TDRD3: variants seen among roughly 807,000 people sequenced by gnomAD.
TDRD3 encodes tudor domain containing 3.
In TDRD3, 45 loss-of-function variants were observed where a neutral mutation model predicts 86.7. The observed-to-expected ratio is 0.52, with a 90% CI of 0.41 to 0.67. TDRD3 has a LOEUF of 0.67. Ranked by LOEUF, TDRD3 falls within the 30% of genes least tolerant of loss-of-function variation. The pLI, the probability that TDRD3 is intolerant of heterozygous loss-of-function variation, is 0.00. For missense variants in TDRD3, 814 were observed against 889.0 expected (o/e 0.92, Z 1.07); for synonymous variants, 298 against 301.7 (o/e 0.99, Z 0.13).
At chr13:60,427,296 GT>G (rs1264021910) in intron 1 of TDRD3, among the ~76,000 whole-genome samples, 1 of 152,132 alleles carries the variant, frequency 6.6e-6, no homozygotes, top group Non-Finnish European at 1.5e-5. Flanking sequence ...TTCTTTGTAT[GT>G]TGGGTAATTT....
At chr13:60,455,007 G>A (rs575988926) in intron 3 of TDRD3, among the ~76,000 whole-genome samples, 61 of 152,046 alleles carry the variant, frequency 4.0e-4, no homozygotes, top group African/African-American at 1.4e-3. Flanking sequence ...TCTCCTTCCC[G>A]GATTTAAGCG....
At chr13:60,426,227 A>G (rs941611488) in intron 1 of TDRD3, among the ~76,000 whole-genome samples, 3 of 152,200 alleles carry the variant, frequency 2.0e-5, no homozygotes, top group African/African-American at 7.2e-5. Context: ...ATAAACCAAA[A>G]AAGAGCTCAA....
At chr13:60,443,283 T>C (rs1160696404) in intron 2 of TDRD3, among the ~76,000 whole-genome samples, 2 of 152,048 alleles carry the variant, frequency 1.3e-5, no homozygotes, top group African/African-American at 2.4e-5. Context: ...TTTACACTTA[T>C]GTTATTCAGT....
At chr13:60,449,872 C>A (rs1446829455) in intron 3 of TDRD3, among the ~76,000 whole-genome samples, 2 of 152,056 alleles carry the variant, frequency 1.3e-5, no homozygotes, top group African/African-American at 4.8e-5. Flanking sequence ...GTACTCCCTT[C>A]CCTAAAGCTA....
intron 13 of TDRD3, among the ~76,000 whole-genome samples, chr13:60,572,173 T>C (rs933746377): frequency 6.6e-6 from 1 of 151,390 alleles, no homozygotes; most frequent in Non-Finnish European, 1.5e-5. Context: ...TGGGGTGGAG[T>C]CCTCTGAAGA....
At chr13:60,548,036 ATG>A (rs1284163071) in intron 12 of TDRD3, among the ~76,000 whole-genome samples, 2 of 152,256 alleles carry the variant, frequency 1.3e-5, no homozygotes, top group Non-Finnish European at 2.9e-5. Context: ...GGTTATATAA[ATG>A]TGCCTCTAGT....
At chr13:60,571,874 G>A in intron 13 of TDRD3, among the ~76,000 whole-genome samples, 1 of 152,122 alleles carries the variant, frequency 6.6e-6, no homozygotes, top group South Asian at 2.1e-4. Context: ...TGGGGAGCAT[G>A]TGGAAAAATA....
intron 10 of TDRD3, among the ~76,000 whole-genome samples, chr13:60,515,347 C>G (rs190682476): frequency 6.6e-6 from 1 of 152,152 alleles, no homozygotes; most frequent in Non-Finnish European, 1.5e-5. Context: ...TTTACCTTAC[C>G]AGGACCTGAT....
intron 1 of TDRD3, among the ~76,000 whole-genome samples, chr13:60,419,307 T>G (rs1048734728): frequency 2.6e-5 from 4 of 152,224 alleles, no homozygotes; most frequent in Admixed American, 1.3e-4. Context: ...GCTAAAGATG[T>G]TGAGTACTTT....
intron 1 of TDRD3, among the ~76,000 whole-genome samples, chr13:60,421,203 G>C (rs937145254): frequency 6.7e-6 from 1 of 149,920 alleles, no homozygotes; most frequent in Admixed American, 6.7e-5. Context: ...TAAAAAAAAA[G>C]AGGTTTAATG....
rs1237624437 is a variant in TDRD3, at chr13:60,444,497, A to G, written c.127-186A>G. Among the ~76,000 whole-genome samples the G allele has an allele frequency of 2.0e-5, 3 of 151,974 alleles. No individual in the cohort carries two copies. In the East Asian group the frequency reaches 5.8e-4, roughly 29 times the overall value. ...ATGTGTTACTGTTCATCTTACTGGT[A>G]TACTTTAAACAACGTATTATGGGAC... is the stretch of plus-strand genomic sequence containing the variant. On this transcript the variant is annotated intron_variant, in intron 2 of 13. Transcript: ENST00000377881.
intron 7 of TDRD3, among the ~76,000 whole-genome samples, chr13:60,493,170 G>A (rs1256793118): frequency 2.0e-5 from 3 of 151,360 alleles, no homozygotes; most frequent in Admixed American, 6.6e-5. Context: ...CACCCGTCTC[G>A]GCCTCCCAAA....
intron 1 of TDRD3, among the ~76,000 whole-genome samples, chr13:60,416,081 C>G (rs1400160808): frequency 6.6e-6 from 1 of 152,048 alleles, no homozygotes; most frequent in African/African-American, 2.4e-5. Context: ...TTGGATGGCT[C>G]AAAAATTGTG....
At chr13:60,544,674 T>TA (rs1277750912) in intron 12 of TDRD3, among the ~76,000 whole-genome samples, 1 of 152,112 alleles carries the variant, frequency 6.6e-6, no homozygotes, top group Non-Finnish European at 1.5e-5. Context: ...CAGAACCTTC[T>TA]AAAAAACAAA....
chr13:60,466,792 T>A (rs1566214578), intron 4 of TDRD3, among the ~76,000 whole-genome samples: 4 of 143,638 alleles, frequency 2.8e-5, no homozygotes, highest in African/African-American at 1.0e-4. Context: ...AGGCTCTGTC[T>A]TTTAAAAAAA....
At chr13:60,556,835 T>C (rs1359370269) in intron 12 of TDRD3, among the ~76,000 whole-genome samples, 1 of 152,158 alleles carries the variant, frequency 6.6e-6, no homozygotes, top group Non-Finnish European at 1.5e-5. Flanking sequence ...ATTAATAGAA[T>C]AAGGAGAAGT....
In TDRD3 at chr13:60,436,371, A is replaced by T. The variant is rs576940497; in HGVS notation, c.42-3317A>T. Among the ~76,000 whole-genome samples the T allele has an allele frequency of 1.3e-4, 20 of 151,912 alleles. No individual in the cohort carries two copies. In the East Asian group the frequency reaches 3.9e-3, roughly 29 times the overall value. ...AGTTTTCCAATGTTTAGAATTTCTAAACCATGAAAATGTTTAGAATTTTCA... is the reference window on the plus strand; with the variant it reads ...AGTTTTCCAATGTTTAGAATTTCTATACCATGAAAATGTTTAGAATTTTCA... On this transcript the variant is annotated intron_variant, in intron 1 of 13. Coordinates refer to ENST00000377881, the MANE Select transcript of TDRD3 (RefSeq NM_001146070.2).
chr13:60,439,372 C>T (rs982745456), intron 1 of TDRD3, among the ~76,000 whole-genome samples: 3 of 152,008 alleles, frequency 2.0e-5, no homozygotes, highest in Non-Finnish European at 2.9e-5. Context: ...ATACTTAAGT[C>T]GAGATTATAT....
At chr13:60,448,455 C>T (rs917601661) in intron 3 of TDRD3, among the ~76,000 whole-genome samples, 1 of 152,132 alleles carries the variant, frequency 6.6e-6, no homozygotes, top group Non-Finnish European at 1.5e-5. Context: ...TTCTTCCATT[C>T]TCTTCTTAAC....
Sources: gnomAD v4.1 joint callset for allele counts (sites outside exome capture counted in the v4.1 genomes callset) on GRCh38, gnomAD v4.1.1 for gene constraint, MANE v1.5 for transcripts, NCBI Gene and HGNC (gene_info 2026-07-23, HGNC 2026-07-21) for gene names.